PPME1: variants seen among roughly 807,000 people sequenced by gnomAD.
The protein encoded by PPME1 is protein phosphatase methylesterase 1, also known as testicular secretory protein Li 39.
In PPME1, 17 loss-of-function variants were observed where a neutral mutation model predicts 56.9. That is an observed-to-expected ratio of 0.30 (90% CI 0.20 to 0.45). The LOEUF is 0.45. Ranked by LOEUF, PPME1 falls within the 20% of genes least tolerant of loss-of-function variation. The pLI is 1.00. For missense variants in PPME1, 357 were observed against 483.2 expected (o/e 0.74, Z 2.45); for synonymous variants, 122 against 156.2 (o/e 0.78, Z 1.63).
chr11:74,196,654 A>G (rs368745004), intron 1 of PPME1, among the ~76,000 whole-genome samples: 1 of 151,822 alleles, frequency 6.6e-6, no homozygotes, highest in East Asian at 1.9e-4. Context: ...AAGAAAGTAA[A>G]GTGAAAGAAC....
At chr11:74,179,358 G>A (rs778096309) in intron 1 of PPME1, among the ~76,000 whole-genome samples, 15 of 152,194 alleles carry the variant, frequency 9.9e-5, no homozygotes, top group Non-Finnish European at 5.9e-5. Context: ...ACCAGGCATG[G>A]TGGTGCGCAC....
In PPME1 at chr11:74,230,822, A is replaced by G; in HGVS notation, c.554-90A>G. 1 of 1,009,134 alleles carries G rather than the reference A, an allele frequency of 9.9e-7. No individual in the cohort carries two copies. The allele number at this position is 1,009,134 out of a possible 1,614,324, so 62.5% of individuals were successfully genotyped here. ...GCGAGCATCACTAAATTCTGCTGTC[A>G]TCAAGAGCAGATATATAGTAGTTGA... On this transcript the variant is annotated intron_variant, in intron 6 of 13. Transcript: ENST00000328257. The surrounding 1 kb of genome is among the most constrained non-coding windows in gnomAD (Gnocchi z 4.9).
At chr11:74,209,729 TA>T (rs1160781836) in intron 3 of PPME1, among the ~76,000 whole-genome samples, 1 of 152,220 alleles carries the variant, frequency 6.6e-6, no homozygotes, top group Non-Finnish European at 1.5e-5. Context: ...TTTGACATCT[TA>T]TGGAGTATTA....
At chr11:74,195,460 C>CTATTTAAATTTATTTTTATTTATTT in intron 1 of PPME1, among the ~76,000 whole-genome samples, 1 of 152,270 alleles carries the variant, frequency 6.6e-6, no homozygotes, top group South Asian at 2.1e-4. Context: ...ATTTTCACTG[C>CTATTTAAATTTATTTTTATTTATTT]TATGCTATAT....
intron 1 of PPME1, among the ~76,000 whole-genome samples, chr11:74,201,635 G>C (rs748992479): frequency 7.9e-5 from 12 of 152,136 alleles, no homozygotes; most frequent in Non-Finnish European, 1.6e-4. Context: ...TTACTTTTAT[G>C]TCTAAATCTG....
intron 1 of PPME1, among the ~76,000 whole-genome samples, chr11:74,199,429 G>C (rs12789217): frequency 6.6e-6 from 1 of 152,076 alleles, no homozygotes. Context: ...CCTTATACAC[G>C]TAATAGGTTC....
chr11:74,203,703 A>G (rs895040166), intron 1 of PPME1, 25 bp from the exon 2 acceptor site: 3 of 1,579,826 alleles, frequency 1.9e-6, no homozygotes, highest in Admixed American at 3.5e-5. Context: ...TTTTTCTGAA[A>G]TGTCTCTCTC....
At chr11:74,183,525 GTC>G (rs1857594853) in intron 1 of PPME1, among the ~76,000 whole-genome samples, 1 of 151,898 alleles carries the variant, frequency 6.6e-6, no homozygotes. Flanking sequence ...TTATATATAT[GTC>G]TCCATAAGTA....
chr11:74,229,631 A>G (rs946757403), intron 5 of PPME1, among the ~76,000 whole-genome samples: 2 of 152,206 alleles, frequency 1.3e-5, no homozygotes, highest in African/African-American at 4.8e-5. Flanking sequence ...ATAATAATTA[A>G]CATTTGTGAA....
intron 1 of PPME1, among the ~76,000 whole-genome samples, chr11:74,201,526 G>C (rs1858167192): frequency 6.6e-6 from 1 of 152,224 alleles, no homozygotes; most frequent in Non-Finnish European, 1.5e-5. Context: ...GATGAAAGGA[G>C]TGATACAGCA....
chr11:74,248,761 C>G (rs371996060), intron 11 of PPME1: 9 of 152,232 alleles, frequency 5.9e-5, no homozygotes, highest in African/African-American at 2.2e-4. Flanking sequence ...GGCACCCTTT[C>G]TGTGCAAGAC....
chr11:74,252,629 A>C (rs1859732102), intron 13 of PPME1: 2 of 429,782 alleles, frequency 4.7e-6, no homozygotes, highest in Admixed American at 2.4e-5. Context: ...TGTCCTGTGC[A>C]TTGTAGGATG....
intron 1 of PPME1, chr11:74,198,876 A>G (rs114509417): frequency 1.9e-4 from 29 of 152,342 alleles, no homozygotes; most frequent in African/African-American, 7.0e-4. Context: ...TTTCTAGGAT[A>G]TCATCCATGA....
At position 74,230,770 on chromosome 11, in the gene PPME1, AT is replaced by A. The variant is rs535464821; in HGVS notation, c.554-140del. ...AGAAGTGAATACCCCAGAGGCAAAA[AT>A]TATTGAGGGCCATCTTTATTTCTCT... On this transcript the variant is annotated intron_variant, in intron 6 of 13. Coordinates refer to ENST00000328257, the MANE Select transcript of PPME1 (RefSeq NM_016147.3). The surrounding 1 kb of genome is among the most constrained non-coding windows in gnomAD (Gnocchi z 4.9). 35 of 711,068 alleles carry A rather than the reference AT, an allele frequency of 4.9e-5. No individual in the cohort carries two copies. In the East Asian group the frequency reaches 8.8e-4, roughly 18 times the overall value. 44.0% of individuals were successfully genotyped at this position (711,068 alleles called of 1,614,324 possible).
chr11:74,181,140 G>A (rs1410398999), intron 1 of PPME1, among the ~76,000 whole-genome samples: 1 of 151,194 alleles, frequency 6.6e-6, no homozygotes, highest in Non-Finnish European at 1.5e-5. Context: ...CGCTTCCCGG[G>A]TTCACGCCAT....
At chr11:74,193,450 G>C (rs1039467633) in intron 1 of PPME1, among the ~76,000 whole-genome samples, 1 of 152,202 alleles carries the variant, frequency 6.6e-6, no homozygotes, top group African/African-American at 2.4e-5. Context: ...ATATCTCATT[G>C]TGTATATGCA....
At chr11:74,174,634 T>A (rs1374252531) in intron 1 of PPME1, among the ~76,000 whole-genome samples, 1 of 152,214 alleles carries the variant, frequency 6.6e-6, no homozygotes, top group Non-Finnish European at 1.5e-5. Context: ...ATATTCTGAG[T>A]TGGTGATTTT....
At chr11:74,233,028 T>G (rs1293777767) in intron 7 of PPME1, among the ~76,000 whole-genome samples, 2 of 151,922 alleles carry the variant, frequency 1.3e-5, no homozygotes, top group Non-Finnish European at 2.9e-5. Flanking sequence ...CTCTAAAAAT[T>G]TATTCAGTAA....
chr11:74,176,184 C>T lies in PPME1; in HGVS notation c.101+4662C>T, dbSNP rs549165005. ...TACATTGAGAACTGTGAAGAAGGTTCATAGTTTATGTGGAAGCTCTCCTTT... is the reference window on the plus strand; with the variant it reads ...TACATTGAGAACTGTGAAGAAGGTTTATAGTTTATGTGGAAGCTCTCCTTT... On this transcript the variant is annotated intron_variant, in intron 1 of 13. Coordinates refer to ENST00000328257, the MANE Select transcript of PPME1 (RefSeq NM_016147.3). Among the ~76,000 whole-genome samples the T allele has an allele frequency of 2.0e-5, 3 of 152,268 alleles. No individual in the cohort carries two copies. In the South Asian group the frequency reaches 6.2e-4, roughly 32 times the overall value.
Sources: gnomAD v4.1 joint callset for allele counts (sites outside exome capture counted in the v4.1 genomes callset) on GRCh38, gnomAD v4.1.1 for gene constraint, Gnocchi (gnomAD v3.1) non-coding constraint, MANE v1.5 for transcripts, NCBI Gene and HGNC (gene_info 2026-07-23, HGNC 2026-07-21) for gene names.